Variants in CSMD1 observed in about 807,000 individuals in gnomAD.
CSMD1 encodes the protein CUB and Sushi multiple domains 1.
CSMD1 carries 213 observed loss-of-function variants against 417.5 expected under a neutral mutation model. The ratio of observed to expected loss-of-function variants is 0.51; its 90% CI spans 0.46 to 0.57. The LOEUF (loss-of-function observed/expected upper bound fraction) is 0.57. CSMD1 is among the 20% of genes least tolerant of loss of function. The pLI, the probability that CSMD1 is intolerant of heterozygous loss-of-function variation, is 0.00. For missense variants in CSMD1, 6,923 were observed against 4,529.7 expected (o/e 1.53, Z -15.17); for synonymous variants, 2,862 against 1,736.8 (o/e 1.65, Z -16.11).
chr8:4,057,865 C>G (rs1321423966), intron 3 of CSMD1, among the ~76,000 whole-genome samples: 1 of 152,142 alleles, frequency 6.6e-6, no homozygotes, highest in South Asian at 2.1e-4. Context: ...ATTATTTCTG[C>G]AGGCTGTGTT....
intron 3 of CSMD1, among the ~76,000 whole-genome samples, chr8:4,086,943 G>A (rs140660531): frequency 8.5e-5 from 13 of 152,190 alleles, no homozygotes; most frequent in Non-Finnish European, 8.8e-5. Flanking sequence ...AACCAGCTGT[G>A]TGGTTTGGGT....
intron 1 of CSMD1, among the ~76,000 whole-genome samples, chr8:4,659,274 C>A (rs985042638): frequency 1.3e-5 from 2 of 151,852 alleles, no homozygotes; most frequent in African/African-American, 2.4e-5. Flanking sequence ...AAGAAAAGAT[C>A]AATTAACACC....
At chr8:3,169,914 G>A (rs1210377021) in intron 37 of CSMD1, among the ~76,000 whole-genome samples, 1 of 152,100 alleles carries the variant, frequency 6.6e-6, no homozygotes, top group Non-Finnish European at 1.5e-5. Flanking sequence ...AGTCCTCTGT[G>A]GATGACCCCT....
chr8:4,152,518 G>A (rs1049516756), intron 3 of CSMD1, among the ~76,000 whole-genome samples: 7 of 105,948 alleles, frequency 6.6e-5, no homozygotes, highest in East Asian at 2.4e-4. Flanking sequence ...TCTCTACAGA[G>A]AGTACCAAAA....
intron 1 of CSMD1, among the ~76,000 whole-genome samples, chr8:4,761,177 T>G: frequency 6.6e-6 from 1 of 152,086 alleles, no homozygotes; most frequent in East Asian, 1.9e-4. Flanking sequence ...AAGCGAAATC[T>G]AAGGGACTAG....
intron 2 of CSMD1, among the ~76,000 whole-genome samples, chr8:4,472,440 C>G (rs187058411): frequency 2.0e-5 from 3 of 151,954 alleles, no homozygotes; most frequent in African/African-American, 7.2e-5. Context: ...CATTTATAGA[C>G]ATATATTTAA....
At chr8:3,133,483 A>G (rs1207387184) in intron 41 of CSMD1, among the ~76,000 whole-genome samples, 1 of 152,062 alleles carries the variant, frequency 6.6e-6, no homozygotes, top group Non-Finnish European at 1.5e-5. Flanking sequence ...CGCCCCTGGG[A>G]GCAGAAGGCA....
chr8:3,622,672 T>A (rs1441188332), intron 7 of CSMD1, among the ~76,000 whole-genome samples: 2 of 152,206 alleles, frequency 1.3e-5, no homozygotes, highest in African/African-American at 4.8e-5. Flanking sequence ...AGATTAAATG[T>A]AAAATACAGG....
intron 1 of CSMD1, among the ~76,000 whole-genome samples, chr8:4,917,832 TGGA>T (rs137932513): frequency 0.016 from 2,466 of 152,162 alleles, 56 homozygotes; most frequent in African/African-American, 0.057. Context: ...GTGGTTCAGA[TGGA>T]GGAGGAGATT....
chr8:3,242,372 C>G (rs1175901991), intron 26 of CSMD1, among the ~76,000 whole-genome samples: 2 of 151,208 alleles, frequency 1.3e-5, no homozygotes, highest in Non-Finnish European at 2.9e-5. Context: ...ACTGAGGGGA[C>G]AGGTAGGAGG....
chr8:4,264,248 T>G (rs2128844718), intron 3 of CSMD1, among the ~76,000 whole-genome samples: 1 of 152,328 alleles, frequency 6.6e-6, no homozygotes, highest in Non-Finnish European at 1.5e-5. Flanking sequence ...TTAGGAATAA[T>G]TTTAAGAATA....
At chr8:4,150,280 G>T (rs1172419962) in intron 3 of CSMD1, among the ~76,000 whole-genome samples, 1 of 152,108 alleles carries the variant, frequency 6.6e-6, no homozygotes, top group African/African-American at 2.4e-5. Context: ...CCCAGATGTA[G>T]AAGTCTCCAA....
intron 5 of CSMD1, among the ~76,000 whole-genome samples, chr8:3,931,984 T>C (rs1177260860): frequency 1.3e-5 from 2 of 149,636 alleles, no homozygotes; most frequent in African/African-American, 2.5e-5. Context: ...ATAGTATTGA[T>C]TTAGATGTAG....
chr8:3,322,556 C>G (rs768264466), intron 23 of CSMD1, among the ~76,000 whole-genome samples: 4 of 152,166 alleles, frequency 2.6e-5, no homozygotes, highest in Non-Finnish European at 4.4e-5. Flanking sequence ...ATGGAACTTT[C>G]TTGTCTTGTT....
At chr8:4,258,294 A>C (rs1347223820) in intron 3 of CSMD1, among the ~76,000 whole-genome samples, 1 of 117,438 alleles carries the variant, frequency 8.5e-6, no homozygotes, top group African/African-American at 3.4e-5. Context: ...GTAAGGAGAA[A>C]GGGAGAAAGA....
intron 3 of CSMD1, among the ~76,000 whole-genome samples, chr8:4,193,188 G>A (rs11781720): frequency 0.58 from 87,799 of 151,942 alleles, 26,375 homozygotes; most frequent in South Asian, 0.78. Context: ...CAGCTCTTTG[G>A]AGTCATAAGC....
intron 3 of CSMD1, among the ~76,000 whole-genome samples, chr8:4,289,069 T>A (rs1797216729): frequency 6.6e-6 from 1 of 152,142 alleles, no homozygotes; most frequent in Non-Finnish European, 1.5e-5. Flanking sequence ...CACATATGGA[T>A]GAAAATAAAA....
intron 5 of CSMD1, among the ~76,000 whole-genome samples, chr8:3,798,639 A>G (rs1043907334): frequency 6.6e-6 from 1 of 152,146 alleles, no homozygotes; most frequent in Non-Finnish European, 1.5e-5. Context: ...CATGCTATAT[A>G]AAAAATACAT....
At chr8:4,206,959 C>T (rs889780362) in intron 3 of CSMD1, among the ~76,000 whole-genome samples, 9 of 152,110 alleles carry the variant, frequency 5.9e-5, no homozygotes, top group Non-Finnish European at 1.2e-4. Context: ...ATGCCTATTT[C>T]ATATAGATGT....
Sources: allele counts gnomAD v4.1 joint callset (sites outside exome capture counted in the v4.1 genomes callset), GRCh38; gene constraint gnomAD v4.1.1; transcripts MANE v1.5; gene names NCBI Gene and HGNC (gene_info 2026-07-23, HGNC 2026-07-21).